PDGFC: variants seen among roughly 807,000 people sequenced by gnomAD.
The protein encoded by PDGFC is platelet-derived growth factor C.
A neutral mutation model predicts 35.5 loss-of-function variants in PDGFC; 12 were observed. The ratio of observed to expected loss-of-function variants is 0.34; its 90% CI spans 0.22 to 0.55. PDGFC has a LOEUF of 0.55. Ranked by LOEUF, PDGFC falls within the 20% of genes least tolerant of loss-of-function variation. The probability of loss-of-function intolerance (pLI) is 0.91; values close to 1 mark genes in which losing one functional copy is unlikely to be tolerated. For synonymous variants in PDGFC, 159 were observed against 148.8 expected (o/e 1.07, Z -0.50); for missense variants, 322 against 412.4 (o/e 0.78, Z 1.90).
rs758466423 is a variant in PDGFC, at chr4:156,924,571, A to C, written c.118+46215T>G. Among the ~76,000 whole-genome samples the C allele has an allele frequency of 2.3e-3, 355 of 152,332 alleles. 3 individuals are homozygous for C. Among genetic ancestry groups the C allele is most frequent in the Non-Finnish European group, 7.8e-4 (53 of 68,030 alleles). On this transcript the variant is annotated intron_variant, in intron 1 of 5. Coordinates refer to ENST00000502773, the MANE Select transcript of PDGFC (RefSeq NM_016205.3). ...TCTTAATTTTTATTCCCCCAGAAGT[A>C]GATCTTGCAACAAGATTAAAATGCA...
At position 156,971,244 on chromosome 4, in the gene PDGFC, TC is replaced by T; in HGVS notation, c.-342del. The T allele has an allele frequency of 2.4e-6, 1 of 423,696 alleles. No homozygotes were observed. The highest frequency in any genetic ancestry group is 3.3e-5 in the East Asian group (1 of 30,098). 26.2% of individuals were successfully genotyped at this position (423,696 alleles called of 1,614,324 possible). ...GGGGACGCGGGGGAGCGGCGAGAAG[TC>T]CCCAGCAAGTTGCTGGGAGCACCTG... On this transcript the variant is annotated 5_prime_UTR_variant, in exon 1 of 6. Transcript: ENST00000502773.
intron 2 of PDGFC, among the ~76,000 whole-genome samples, chr4:156,824,025 A>C (rs1732348759): frequency 1.3e-5 from 2 of 152,028 alleles, no homozygotes; most frequent in South Asian, 4.1e-4. Flanking sequence ...AATCTAAAAA[A>C]GTTGCTCTCA....
intron 2 of PDGFC, among the ~76,000 whole-genome samples, chr4:156,838,823 T>A (rs1426141867): frequency 6.6e-6 from 1 of 152,094 alleles, no homozygotes; most frequent in African/African-American, 2.4e-5. Context: ...GGAAGGTAAT[T>A]GAATCACTGG....
chr4:156,837,729 G>C (rs1246742173), intron 2 of PDGFC, among the ~76,000 whole-genome samples: 1 of 152,178 alleles, frequency 6.6e-6, no homozygotes, highest in Non-Finnish European at 1.5e-5. Context: ...CTAGAGAAGA[G>C]AGGGAGGTGT....
At chr4:156,956,612 G>C (rs1180867324) in intron 1 of PDGFC, among the ~76,000 whole-genome samples, 2 of 151,916 alleles carry the variant, frequency 1.3e-5, no homozygotes, top group African/African-American at 4.8e-5. Context: ...CCACAGTTTA[G>C]GTCATAGGTA....
chr4:156,836,251 T>C (rs1341503896), intron 2 of PDGFC, among the ~76,000 whole-genome samples: 2 of 152,184 alleles, frequency 1.3e-5, no homozygotes, highest in Admixed American at 1.3e-4. Context: ...GTGGGTGATA[T>C]GAGCATCTGC....
At chr4:156,868,395 G>C (rs1387774161) in intron 1 of PDGFC, among the ~76,000 whole-genome samples, 1 of 152,140 alleles carries the variant, frequency 6.6e-6, no homozygotes, top group Non-Finnish European at 1.5e-5. Context: ...TGTTCTGAAA[G>C]AGTCCTGTGT....
intron 2 of PDGFC, among the ~76,000 whole-genome samples, chr4:156,833,109 C>G (rs568386570): frequency 5.3e-5 from 8 of 152,162 alleles, no homozygotes; most frequent in Admixed American, 2.6e-4. Flanking sequence ...TGGCAGTGGG[C>G]CTGCTGATGG....
chr4:156,786,247 T>A (rs1232692922), intron 3 of PDGFC, among the ~76,000 whole-genome samples: 2 of 152,204 alleles, frequency 1.3e-5, no homozygotes, highest in African/African-American at 2.4e-5. Flanking sequence ...CTTTATGTAA[T>A]ACATATTCTA....
At chr4:156,840,887 C>T (rs991704940) in intron 2 of PDGFC, among the ~76,000 whole-genome samples, 3 of 152,120 alleles carry the variant, frequency 2.0e-5, no homozygotes, top group African/African-American at 7.2e-5. Context: ...TTACATGTTA[C>T]ATGCTATAGC....
intron 1 of PDGFC, among the ~76,000 whole-genome samples, chr4:156,944,834 T>G (rs1731900999): frequency 6.6e-6 from 1 of 152,040 alleles, no homozygotes; most frequent in Non-Finnish European, 1.5e-5. Flanking sequence ...AATAATCATC[T>G]CTATATAAAA....
At chr4:156,887,667 T>C (rs1730406679) in intron 1 of PDGFC, among the ~76,000 whole-genome samples, 1 of 152,102 alleles carries the variant, frequency 6.6e-6, no homozygotes. Context: ...CCGTGAATAG[T>C]TCAAAAAGCT....
At chr4:156,857,837 C>T (rs2111104463) in intron 1 of PDGFC, among the ~76,000 whole-genome samples, 1 of 152,118 alleles carries the variant, frequency 6.6e-6, no homozygotes, top group South Asian at 2.1e-4. Flanking sequence ...CCCATTTAGC[C>T]ATCATAATGG....
At chr4:156,839,987 G>A (rs1438946441) in intron 2 of PDGFC, among the ~76,000 whole-genome samples, 1 of 152,156 alleles carries the variant, frequency 6.6e-6, no homozygotes, top group Non-Finnish European at 1.5e-5. Flanking sequence ...TTTCTAAGCA[G>A]CAAAGCATTC....
intron 1 of PDGFC, among the ~76,000 whole-genome samples, chr4:156,897,290 T>TACACAC (rs149168649): frequency 6.7e-6 from 1 of 148,510 alleles, no homozygotes; most frequent in African/African-American, 2.5e-5. Flanking sequence ...TATAAATAAA[T>TACACAC]ACACACACAC....
intron 1 of PDGFC, among the ~76,000 whole-genome samples, chr4:156,895,597 A>T (rs1196356869): frequency 6.6e-6 from 1 of 150,984 alleles, no homozygotes; most frequent in Admixed American, 6.6e-5. Context: ...GTGCCACTGC[A>T]CTCCAGCCTG....
At chr4:156,913,292 C>T (rs537967412) in intron 1 of PDGFC, among the ~76,000 whole-genome samples, 3 of 152,016 alleles carry the variant, frequency 2.0e-5, no homozygotes, top group Non-Finnish European at 2.9e-5. Context: ...AGCCCTACAA[C>T]GGAGTTGGGA....
chr4:156,892,406 G>A (rs1292284996), intron 1 of PDGFC, among the ~76,000 whole-genome samples: 3 of 152,116 alleles, frequency 2.0e-5, no homozygotes, highest in Admixed American at 1.3e-4. Context: ...AACATTCTTA[G>A]TTAAGATTTA....
chr4:156,765,519 A>C (rs1730499919), intron 5 of PDGFC, among the ~76,000 whole-genome samples: 1 of 152,196 alleles, frequency 6.6e-6, no homozygotes, highest in East Asian at 1.9e-4. Flanking sequence ...ACCACAGAGC[A>C]CTGGGAACAG....
Sources: gnomAD v4.1 joint callset for allele counts (sites outside exome capture counted in the v4.1 genomes callset) on GRCh38, gnomAD v4.1.1 for gene constraint, MANE v1.5 for transcripts, NCBI Gene and HGNC (gene_info 2026-07-23, HGNC 2026-07-21) for gene names.